FKBP15: variants seen among roughly 807,000 people sequenced by gnomAD.
The protein encoded by FKBP15 is FKBP prolyl isomerase family member 15, also known as FK506-binding protein 15.
In FKBP15, 106 loss-of-function variants were observed where a neutral mutation model predicts 158.1. The ratio of observed to expected loss-of-function variants is 0.67; its 90% CI spans 0.57 to 0.79. The LOEUF (loss-of-function observed/expected upper bound fraction) is 0.79. Ranked by LOEUF, FKBP15 falls within the 30% of genes least tolerant of loss-of-function variation. The pLI is 0.00. For missense variants in FKBP15, 1,287 were observed against 1,479.1 expected (o/e 0.87, Z 2.13); for synonymous variants, 547 against 548.6 (o/e 1.00, Z 0.04).
chr9:113,168,883 ATATGTAAG>A (rs1830145219), intron 26 of FKBP15, among the ~76,000 whole-genome samples: 1 of 152,256 alleles, frequency 6.6e-6, no homozygotes, highest in African/African-American at 2.4e-5. Context: ...ATACTTTATG[ATATGTAAG>A]TATGTATTTG....
intron 19 of FKBP15, among the ~76,000 whole-genome samples, chr9:113,180,778 C>A (rs1039099774): frequency 2.0e-5 from 3 of 152,150 alleles, no homozygotes; most frequent in Non-Finnish European, 4.4e-5. Context: ...AAGAAGGCAA[C>A]CTCTAATAGC....
chr9:113,173,520 T>G lies in FKBP15; in HGVS notation c.2465A>C (p.Gln822Pro). The G allele has an allele frequency of 6.2e-7, 1 of 1,614,018 alleles. No homozygotes were observed. The highest frequency in any genetic ancestry group is 8.5e-7 in the Non-Finnish European group (1 of 1,179,866). The part of the protein sequence containing the change: ...LLASAKDEHL[Q>P]QYQEVCAQRD... ...CTGTGCGCACACCTCCTGGTACTGC[T>G]GCAGGTGCTCATCCTTGGCGGAGGC... The change falls in exon 23 of 28, where the codon CAG becomes CCG. Residue 822 changes from glutamine (Q) to proline (P), a missense_variant. Gln to Pro is a moderately conservative substitution (Grantham distance 76). Transcript: ENST00000238256.
rs773140343 is a variant in FKBP15, at chr9:113,169,389, G to C, written c.3320C>G (p.Pro1107Arg). 7 of 1,614,030 alleles carry C rather than the reference G, an allele frequency of 4.3e-6. No homozygotes were observed. In the East Asian group the frequency reaches 6.7e-5, roughly 15 times the overall value. Residue 1107 changes from proline to arginine, a missense_variant, in exon 26 of 28, where the codon CCA (proline) becomes CGA (arginine). Transcript: ENST00000238256. ...SLTSDPEEGD[P>R]LALGPESPGE... The stretch of plus-strand genomic sequence containing the variant: ...TGGGCTTTCAGGCCCTAAGGCCAGT[G>C]GGTCCCCCTCCTCGGGGTCTGAAGT...
In FKBP15 at chr9:113,176,685, G is replaced by A. The variant is rs1433158710; in HGVS notation, c.2087-12C>T. The A allele has an allele frequency of 6.2e-7, 1 of 1,608,114 alleles. No individual in the cohort carries two copies. The highest frequency in any genetic ancestry group is 1.1e-5 in the South Asian group (1 of 89,824). On this transcript the variant is annotated splice_polypyrimidine_tract_variant and intron_variant, in intron 20 of 27. Transcript: ENST00000238256. ...GGTTTCTTGGAGCTCTGGGATACAGGAGCAGAGAGACTTCGCTACAGAACC... is the reference window on the plus strand; with the variant it reads ...GGTTTCTTGGAGCTCTGGGATACAGAAGCAGAGAGACTTCGCTACAGAACC...
At chr9:113,207,346 T>A in intron 2 of FKBP15, 50 bp from the exon 3 acceptor site, 3 of 1,396,244 alleles carry the variant, frequency 2.1e-6, no homozygotes, top group East Asian at 2.3e-5. Flanking sequence ...TGCTTTAAAC[T>A]AATTTTTTTT....
rs1222381653 is a variant in FKBP15, at chr9:113,169,823, T to G, written c.2886A>C (p.Ser962=). 1.7e-5 allele frequency: 27 copies of G among 1,563,612 alleles called. No homozygotes were observed. The highest frequency in any genetic ancestry group is 4.1e-5 in the African/African-American group (3 of 73,694). ...GTGCTTGAGGCTGCCCAGAACTGGC[T>G]GAGGCTGACTGCTCCTGGGAAGGTC... ...PRRPSQEQSA[S]ASSGQPQAPL... is the part of the protein sequence containing the mutation. Residue 962 remains serine, a synonymous_variant, in exon 26 of 28, where the codon TCA becomes TCC. Coordinates refer to ENST00000238256, the MANE Select transcript of FKBP15 (RefSeq NM_015258.2).
In FKBP15 at chr9:113,169,266, G is replaced by C. The variant is rs1442015621; in HGVS notation, c.3443C>G (p.Ala1148Gly). 1.2e-6 allele frequency: 2 copies of C among 1,613,912 alleles called. No individual in the cohort carries two copies. The highest frequency in any genetic ancestry group is 2.7e-5 in the African/African-American group (2 of 74,952). Residue 1148 changes from alanine (A) to glycine (G), a missense_variant, in exon 26 of 28, where the codon GCA (alanine) becomes GGA (glycine). Transcript: ENST00000238256. ...ATGGCTGGGTCTGAGGGCTGCTCCTGCAACTGTGGAACCTGCCTCTGTGCT... is the reference window on the plus strand; with the variant it reads ...ATGGCTGGGTCTGAGGGCTGCTCCTCCAACTGTGGAACCTGCCTCTGTGCT... ...LSSTEAGSTV[A>G]GAALRPSHHS...
rs1274996335 is a variant in FKBP15, at chr9:113,202,647, G to A, written c.400-18C>T. ...GGCCGAACCTGGAGAAAGGAGAAAT[G>A]TTAAATTCATCCACAAGCAGTATTA... On this transcript the variant is annotated intron_variant, in intron 5 of 27. Transcript: ENST00000238256. 6.5e-7 allele frequency: 1 copy of A among 1,533,450 alleles called. No homozygotes were observed. Among genetic ancestry groups the A allele is most frequent in the African/African-American group, 1.4e-5 (1 of 73,070 alleles). The allele number at this position is 1,533,450 out of a possible 1,614,324, so 95.0% of individuals were successfully genotyped here. A position where few individuals can be genotyped will look rare whatever the true frequency, so the allele number is the denominator to read the frequency against.
In FKBP15 at chr9:113,162,805, G is replaced by C; in HGVS notation, c.*3273C>G. On this transcript the variant is annotated 3_prime_UTR_variant, in exon 28 of 28. Transcript: ENST00000238256. ...ATCCATGTCATCCAGGTGGTCATCG[G>C]CTACTTCATCATGCTGGCCGTAATG... 1 of 1,613,642 alleles carries C rather than the reference G, an allele frequency of 6.2e-7. No homozygotes were observed. The highest frequency in any genetic ancestry group is 8.5e-7 in the Non-Finnish European group (1 of 1,179,758).
intron 23 of FKBP15, among the ~76,000 whole-genome samples, chr9:113,173,025 G>A (rs896239490): frequency 4.6e-5 from 7 of 152,050 alleles, no homozygotes; most frequent in Admixed American, 2.0e-4. Context: ...ACCACCTTTG[G>A]GAAACCTTCC....
chr9:113,218,735 T>C, intron 1 of FKBP15, among the ~76,000 whole-genome samples: 1 of 152,022 alleles, frequency 6.6e-6, no homozygotes, highest in East Asian at 1.9e-4. Context: ...ATTGAATAGG[T>C]TGGGGTATGG....
At chr9:113,207,356 TAAAG>T in intron 2 of FKBP15, 60 bp from the exon 3 acceptor site, 1 of 1,345,828 alleles carries the variant, frequency 7.4e-7, no homozygotes. Context: ...TAATTTTTTT[TAAAG>T]ACGGAGTTTC....
Position 113,184,826 on chromosome 9 carries a change from A to G in FKBP15, c.1499-22T>C. The G allele has an allele frequency of 6.4e-7, 1 of 1,558,600 alleles. No individual in the cohort carries two copies. Among genetic ancestry groups the G allele is most frequent in the Non-Finnish European group, 8.7e-7 (1 of 1,145,822 alleles). On this transcript the variant is annotated intron_variant, in intron 15 of 27. Transcript: ENST00000238256. This position sits in a 1 kb window ranked among gnomAD's most constrained non-coding sequence, Gnocchi z 4.5. ...GATCCTAAACAGATACAAGCCAAAA[A>G]GAAACTTATGAAACTGGAGCAGAGG...
chr9:113,197,496 C>T (rs1213302669), intron 8 of FKBP15, among the ~76,000 whole-genome samples: 1 of 152,036 alleles, frequency 6.6e-6, no homozygotes, highest in Non-Finnish European at 1.5e-5. Context: ...GGTGAAACCT[C>T]GTCTCTACTA....
chr9:113,219,308 T>C (rs757534313), intron 1 of FKBP15, among the ~76,000 whole-genome samples: 2 of 152,178 alleles, frequency 1.3e-5, no homozygotes, highest in Non-Finnish European at 2.9e-5. Flanking sequence ...TCAAGAGACT[T>C]GGAACTTAAG....
At chr9:113,193,703 G>T (rs892572416) in intron 10 of FKBP15, among the ~76,000 whole-genome samples, 154 bp from the exon 11 acceptor site, 1 of 152,150 alleles carries the variant, frequency 6.6e-6, no homozygotes, top group African/African-American at 2.4e-5. Flanking sequence ...CATAATCTTT[G>T]AATGCTAGTA....
At chr9:113,177,820 A>G (rs1830326467) in intron 20 of FKBP15, among the ~76,000 whole-genome samples, 1 of 152,184 alleles carries the variant, frequency 6.6e-6, no homozygotes. Context: ...AAACCAAGGT[A>G]GATTAATCAA....
At chr9:113,205,147 C>T (rs1458600120) in intron 4 of FKBP15, among the ~76,000 whole-genome samples, 1 of 152,008 alleles carries the variant, frequency 6.6e-6, no homozygotes, top group Non-Finnish European at 1.5e-5. Flanking sequence ...AGATAAAACA[C>T]CAAAAGTACA....
At chr9:113,217,388 T>A (rs567921726) in intron 1 of FKBP15, among the ~76,000 whole-genome samples, 65 of 151,534 alleles carry the variant, frequency 4.3e-4, no homozygotes, top group Middle Eastern at 3.4e-3. Context: ...AATTTTTGTA[T>A]GTTTGTAGAG....
Sources: gnomAD v4.1 joint callset for allele counts (sites outside exome capture counted in the v4.1 genomes callset) on GRCh38, gnomAD v4.1.1 for gene constraint, Gnocchi (gnomAD v3.1) non-coding constraint, MANE v1.5 for transcripts, NCBI Gene and HGNC (gene_info 2026-07-23, HGNC 2026-07-21) for gene names.